Variants in DCPH1 observed in about 807,000 individuals in gnomAD.
DCPH1 encodes damage-control phosphatase 1.
the DCPH1 span, among the ~76,000 whole-genome samples, chr6:151,463,447 G>A: frequency 6.6e-6 from 1 of 152,110 alleles, no homozygotes; most frequent in Non-Finnish European, 1.5e-5. Flanking sequence ...TGACTCCAAA[G>A]GATGAAGATA....
At chr6:151,468,285 T>C in the DCPH1 span, 1 of 1,189,512 alleles carries the variant, frequency 8.4e-7, no homozygotes, top group African/African-American at 1.5e-5. Flanking sequence ...CGCTACATAA[T>C]GGAGTTTTGT....
At chr6:151,454,095 A>T in the DCPH1 span, among the ~76,000 whole-genome samples, 1 of 152,202 alleles carries the variant, frequency 6.6e-6, no homozygotes, top group South Asian at 2.1e-4. Flanking sequence ...AGTACCTTTA[A>T]TTCTTTATGT....
the DCPH1 span, chr6:151,468,750 T>C: frequency 1.9e-6 from 3 of 1,614,196 alleles, no homozygotes; most frequent in Non-Finnish European, 2.5e-6. Flanking sequence ...GGGAAGAGTA[T>C]ATTAAAATGG....
chr6:151,460,012 CT>C, the DCPH1 span, among the ~76,000 whole-genome samples: 2 of 152,014 alleles, frequency 1.3e-5, no homozygotes, highest in African/African-American at 2.4e-5. Context: ...ACTTTAAAAT[CT>C]GTTCATTAGC....
At chr6:151,467,938 T>G in the DCPH1 span, among the ~76,000 whole-genome samples, 1 of 152,342 alleles carries the variant, frequency 6.6e-6, no homozygotes, top group Non-Finnish European at 1.5e-5. Context: ...ACTGGACAGT[T>G]CTGCAGGGCC....
the DCPH1 span, among the ~76,000 whole-genome samples, chr6:151,461,286 G>T: frequency 6.6e-6 from 1 of 152,176 alleles, no homozygotes; most frequent in South Asian, 2.1e-4. Context: ...GGTTGATCAG[G>T]TTCAGAGACT....
At chr6:151,458,415 G>T in the DCPH1 span, 1 of 1,613,664 alleles carries the variant, frequency 6.2e-7, no homozygotes, top group Non-Finnish European at 8.5e-7. Flanking sequence ...TATCCCCTTG[G>T]TTGAGAAATT....
chr6:151,464,898 C>T, the DCPH1 span, among the ~76,000 whole-genome samples: 1 of 152,182 alleles, frequency 6.6e-6, no homozygotes, highest in Non-Finnish European at 1.5e-5. Flanking sequence ...TTTTGTCATG[C>T]TTGAAAGAAT....
chr6:151,455,705 A>G, the DCPH1 span, among the ~76,000 whole-genome samples: 1 of 152,150 alleles, frequency 6.6e-6, no homozygotes, highest in South Asian at 2.1e-4. Flanking sequence ...TCTTGTCTCA[A>G]CTGCAAGAGG....
chr6:151,468,761 G>A, the DCPH1 span: 3 of 1,614,162 alleles, frequency 1.9e-6, no homozygotes, highest in South Asian at 1.1e-5. Flanking sequence ...ATTAAAATGG[G>A]TAAATGGGTT....
At chr6:151,468,683 T>G in the DCPH1 span, 1 of 1,613,982 alleles carries the variant, frequency 6.2e-7, no homozygotes, top group Non-Finnish European at 8.5e-7. Flanking sequence ...TTTAATTGGT[T>G]AATTGAACAG....
At chr6:151,462,536 ATAT>A in the DCPH1 span, among the ~76,000 whole-genome samples, 1 of 152,230 alleles carries the variant, frequency 6.6e-6, no homozygotes, top group Non-Finnish European at 1.5e-5. Flanking sequence ...TTGCTTTATA[ATAT>A]TGCATTTTAT....
the DCPH1 span, among the ~76,000 whole-genome samples, chr6:151,466,038 C>A: frequency 6.6e-6 from 1 of 152,224 alleles, no homozygotes; most frequent in Admixed American, 6.5e-5. Flanking sequence ...CCTGCCTCAG[C>A]CTCCTGAGTA....
At chr6:151,453,610 G>A in the DCPH1 span, among the ~76,000 whole-genome samples, 1 of 152,112 alleles carries the variant, frequency 6.6e-6, no homozygotes, top group African/African-American at 2.4e-5. Flanking sequence ...TATCATTTGA[G>A]GAAACCTTTT....
chr6:151,464,455 C>T, the DCPH1 span: 2 of 1,599,284 alleles, frequency 1.3e-6, no homozygotes, highest in African/African-American at 2.7e-5. Context: ...TACTTTAGTC[C>T]ACCAATCGAT....
chr6:151,459,390 T>A, the DCPH1 span, among the ~76,000 whole-genome samples: 3 of 152,212 alleles, frequency 2.0e-5, no homozygotes, highest in Admixed American at 6.5e-5. Context: ...CATCTTTTTT[T>A]AAAAAGGCTA....
the DCPH1 span, among the ~76,000 whole-genome samples, chr6:151,460,432 T>C: frequency 6.6e-6 from 1 of 151,800 alleles, no homozygotes. Context: ...TCACAATTTG[T>C]TGTTTTTTCT....
At chr6:151,458,131 A>G in the DCPH1 span, among the ~76,000 whole-genome samples, 9 of 152,302 alleles carry the variant, frequency 5.9e-5, no homozygotes, top group South Asian at 1.9e-3. Flanking sequence ...TAGGTAGATA[A>G]GGCATGATTA....
chr6:151,464,456 A>G, the DCPH1 span: 1 of 1,601,338 alleles, frequency 6.2e-7, no homozygotes, highest in Non-Finnish European at 8.5e-7. Context: ...ACTTTAGTCC[A>G]CCAATCGATT....
Sources: allele counts gnomAD v4.1 joint callset (sites outside exome capture counted in the v4.1 genomes callset), GRCh38; gene constraint gnomAD v4.1.1; transcripts MANE v1.5; gene names NCBI Gene and HGNC (gene_info 2026-07-23, HGNC 2026-07-21).